Variants in MEMO1 observed in about 807,000 individuals in gnomAD.
MEMO1 encodes protein MEMO1.
MEMO1 carries 6 observed loss-of-function variants against 45.2 expected under a neutral mutation model. That is an observed-to-expected ratio of 0.13 (90% CI 0.07 to 0.26). The LOEUF is 0.26. Among genes scored for constraint, MEMO1 ranks in the 10% least tolerant of loss-of-function variants. The pLI, the probability that MEMO1 is intolerant of heterozygous loss-of-function variation, is 1.00. For synonymous variants in MEMO1, 78 were observed against 124.3 expected (o/e 0.63, Z 2.48); for missense variants, 184 against 370.5 (o/e 0.50, Z 4.13).
intron 3 of MEMO1, among the ~76,000 whole-genome samples, chr2:31,936,486 G>T (rs1029084427): frequency 5.9e-5 from 9 of 152,122 alleles, no homozygotes; most frequent in Admixed American, 1.3e-4. Context: ...CTACACAGTA[G>T]ACCCTTTACG....
In MEMO1 at chr2:31,895,726, T is replaced by A. The variant is rs1261958740; in HGVS notation, c.438-3592A>T. ...CATTCCAAATCTCATGAAAAAACATTAACCTACAGATCTAAGAAATTCAAC... is the reference window on the plus strand; with the variant it reads ...CATTCCAAATCTCATGAAAAAACATAAACCTACAGATCTAAGAAATTCAAC... On this transcript the variant is annotated intron_variant, in intron 6 of 9. Coordinates refer to ENST00000404530, the MANE Select transcript of MEMO1 (RefSeq NM_001301833.4). Among the ~76,000 whole-genome samples, 3 of 151,462 alleles carry A rather than the reference T, an allele frequency of 2.0e-5. No individual in the cohort carries two copies. In the East Asian group the frequency reaches 5.9e-4, roughly 30 times the overall value.
intron 6 of MEMO1, among the ~76,000 whole-genome samples, chr2:31,898,714 G>A (rs986387253): frequency 1.3e-5 from 2 of 152,204 alleles, no homozygotes; most frequent in African/African-American, 4.8e-5. Flanking sequence ...GAGTTCCCCA[G>A]ATGTCTATTA....
chr2:31,920,264 CTATGGAA>C (rs1682119480), intron 5 of MEMO1, among the ~76,000 whole-genome samples: 1 of 151,314 alleles, frequency 6.6e-6, no homozygotes, highest in African/African-American at 2.4e-5. Context: ...CTCTGGACGC[CTATGGAA>C]AAAAATAAAT....
chr2:31,968,747 CTATT>C (rs1046126919), intron 2 of MEMO1, among the ~76,000 whole-genome samples: 81 of 152,238 alleles, frequency 5.3e-4, no homozygotes, highest in African/African-American at 1.9e-3. Context: ...AATTCAATGT[CTATT>C]TGTTTGTTTT....
chr2:31,893,135 A>C (rs1224258203), intron 6 of MEMO1: 1 of 176,428 alleles, frequency 5.7e-6, no homozygotes, highest in Non-Finnish European at 1.4e-5. Context: ...AAATTCACAA[A>C]AGTTTTTAAA....
At chr2:31,884,463 G>A (rs17011667) in intron 7 of MEMO1, among the ~76,000 whole-genome samples, 6,106 of 152,218 alleles carry the variant, frequency 0.04, 294 homozygotes, top group African/African-American at 0.11. Context: ...TCAGAGCAAT[G>A]TTGATATATC....
In MEMO1 at chr2:31,925,515, A is replaced by C. The variant is rs992956029; in HGVS notation, c.213-4605T>G. 4.2e-5 allele frequency among the ~76,000 whole-genome samples: 6 copies of C among 143,638 alleles called. No homozygotes were observed. In the East Asian group the frequency reaches 1.2e-3, roughly 29 times the overall value. 94.2% of individuals were successfully genotyped at this position (143,638 alleles called of 152,430 possible). A position where few individuals can be genotyped will look rare whatever the true frequency, so the allele number is the denominator to read the frequency against. On this transcript the variant is annotated intron_variant, in intron 4 of 9. Transcript: ENST00000404530. Reference sequence around the variant, plus strand: ...AAAAAAAAAATCTGTTCCCGGAGATACTTTCCCCAATACCTTTCCCACAAT... The same window carrying C: ...AAAAAAAAAATCTGTTCCCGGAGATCCTTTCCCCAATACCTTTCCCACAAT...
chr2:31,946,048 A>C (rs62142076), intron 2 of MEMO1, among the ~76,000 whole-genome samples: 31,939 of 152,150 alleles, frequency 0.21, 3,490 homozygotes, highest in Middle Eastern at 0.36. Flanking sequence ...AATACTTATT[A>C]AAAACTGAAA....
chr2:31,918,187 C>A, intron 5 of MEMO1, 150 bp from the exon 6 acceptor site: 4 of 462,548 alleles, frequency 8.6e-6, no homozygotes, highest in South Asian at 5.4e-5. Context: ...CAAAACAAAA[C>A]AATAGAAAGA....
At chr2:31,992,783 CAAATTT>C (rs916670596) in intron 2 of MEMO1, among the ~76,000 whole-genome samples, 6 of 150,378 alleles carry the variant, frequency 4.0e-5, no homozygotes, top group African/African-American at 1.5e-4. Flanking sequence ...GACTCCGTCT[CAAATTT>C]AAAAAAAAAA....
At chr2:31,985,678 T>C (rs1432705689) in intron 2 of MEMO1, among the ~76,000 whole-genome samples, 1 of 152,264 alleles carries the variant, frequency 6.6e-6, no homozygotes, top group Non-Finnish European at 1.5e-5. Context: ...ACATGGCTTT[T>C]AACAATTGTT....
chr2:31,975,079 G>C (rs751854360), intron 2 of MEMO1, among the ~76,000 whole-genome samples: 1 of 151,926 alleles, frequency 6.6e-6, no homozygotes, highest in Non-Finnish European at 1.5e-5. Context: ...GGCTGAGGCA[G>C]GAGAATCGCT....
intron 6 of MEMO1, among the ~76,000 whole-genome samples, chr2:31,902,989 T>C (rs1296461326): frequency 6.6e-6 from 1 of 152,142 alleles, no homozygotes; most frequent in Non-Finnish European, 1.5e-5. Flanking sequence ...AACATTATAA[T>C]TTAATTGAAA....
intron 4 of MEMO1, among the ~76,000 whole-genome samples, chr2:31,928,773 A>C (rs1683505713): frequency 6.6e-6 from 1 of 152,166 alleles, no homozygotes; most frequent in Non-Finnish European, 1.5e-5. Flanking sequence ...ATAATAATTT[A>C]TTTAACCTCA....
intron 2 of MEMO1, among the ~76,000 whole-genome samples, chr2:31,992,989 C>T (rs1009155061): frequency 4.6e-5 from 7 of 152,014 alleles, no homozygotes; most frequent in African/African-American, 1.7e-4. Context: ...GAAAAAAATG[C>T]TTCCAACTAA....
chr2:31,950,671 A>C (rs1009648505), intron 2 of MEMO1, among the ~76,000 whole-genome samples: 1 of 151,672 alleles, frequency 6.6e-6, no homozygotes, highest in Admixed American at 6.6e-5. Flanking sequence ...CAGTGAGCTG[A>C]GATAACGACA....
At position 31,910,115 on chromosome 2, in the gene MEMO1, C is replaced by T. The variant is rs143988768; in HGVS notation, c.437+7811G>A. Among the ~76,000 whole-genome samples, 17 of 151,560 alleles carry T rather than the reference C, an allele frequency of 1.1e-4. 1 individual carries two copies. Among genetic ancestry groups the T allele is most frequent in the African/African-American group, 3.4e-4 (14 of 41,324 alleles). ...AAGTGATAAAATAAAGTGCTGATAG[C>T]GAAAGAAAAAAACCCACTAATTTAG... On this transcript the variant is annotated intron_variant, in intron 6 of 9. Coordinates refer to ENST00000404530, the MANE Select transcript of MEMO1 (RefSeq NM_001301833.4).
chr2:31,869,710 C>G, intron 9 of MEMO1, 138 bp downstream of exon 9: 1 of 841,072 alleles, frequency 1.2e-6, no homozygotes, highest in Non-Finnish European at 1.7e-6. Context: ...CAATGGAACT[C>G]CAAATTATAT....
At chr2:31,924,974 A>G (rs908616956) in intron 4 of MEMO1, among the ~76,000 whole-genome samples, 1 of 152,228 alleles carries the variant, frequency 6.6e-6, no homozygotes, top group Non-Finnish European at 1.5e-5. Context: ...ATGGCATTTC[A>G]TGGTCACAGG....
Sources: gnomAD v4.1 joint callset for allele counts (sites outside exome capture counted in the v4.1 genomes callset) on GRCh38, gnomAD v4.1.1 for gene constraint, MANE v1.5 for transcripts, NCBI Gene and HGNC (gene_info 2026-07-23, HGNC 2026-07-21) for gene names.